Variants in ELP4 observed in about 807,000 individuals in gnomAD.
ELP4 encodes elongator complex protein 4.
ELP4 carries 51 observed loss-of-function variants against 48.9 expected under a neutral mutation model. The ratio of observed to expected loss-of-function variants is 1.04; its 90% CI spans 0.83 to 1.32. The LOEUF (loss-of-function observed/expected upper bound fraction) is 1.32. Among genes scored for constraint, ELP4 ranks in the 40% most tolerant of loss-of-function variants. ELP4 has a pLI of 0.00. For missense variants in ELP4, 519 were observed against 514.6 expected, an observed-to-expected ratio of 1.01 and a Z score of -0.08; for synonymous variants, 210 against 189.2, an observed-to-expected ratio of 1.11 and a Z score of -0.90.
At chr11:31,727,103 G>GT (rs554345941) in intron 9 of ELP4, among the ~76,000 whole-genome samples, 6 of 151,374 alleles carry the variant, frequency 4.0e-5, no homozygotes, top group African/African-American at 4.9e-5. Context: ...TCTATGGACA[G>GT]TATCAGTGTC....
rs201953177 is a variant in ELP4 at position 31,658,983 on chromosome 11, A to T, written c.1143+8762A>T. On this transcript the variant is annotated intron_variant, in intron 9 of 9. Coordinates refer to ENST00000640961, the MANE Select transcript of ELP4 (RefSeq NM_019040.5). ...TTAAGCAACAAATATTATGATTGTA[A>T]AATGTTTTCCTCTTTTATTGATGAA... Among the ~76,000 whole-genome samples, 12 of 152,198 alleles carry T rather than the reference A, an allele frequency of 7.9e-5. No individual in the cohort carries two copies. The East Asian group carries it at 2.3e-3, about 29-fold the overall frequency.
At chr11:31,630,131 T>C (rs532876056) in intron 6 of ELP4, among the ~76,000 whole-genome samples, 1 of 151,660 alleles carries the variant, frequency 6.6e-6, no homozygotes, top group Non-Finnish European at 1.5e-5. Context: ...TTTAACACAA[T>C]CATTTAAAAA....
intron 7 of ELP4, among the ~76,000 whole-genome samples, chr11:31,644,080 T>C (rs1945153221): frequency 6.6e-6 from 1 of 151,796 alleles, no homozygotes; most frequent in South Asian, 2.1e-4. Flanking sequence ...TCTTGGCTAC[T>C]ATCCAGAGCT....
At chr11:31,518,520 CAG>C (rs1956158981) in intron 1 of ELP4, among the ~76,000 whole-genome samples, 1 of 108,752 alleles carries the variant, frequency 9.2e-6, no homozygotes, top group Non-Finnish European at 1.9e-5. Context: ...TTTTCTGAAA[CAG>C]AGTCTCACTC....
At chr11:31,544,838 G>A (rs1014062879) in intron 3 of ELP4, among the ~76,000 whole-genome samples, 62 of 152,242 alleles carry the variant, frequency 4.1e-4, no homozygotes, top group African/African-American at 1.4e-3. Context: ...CAGCATTCGC[G>A]GTTCACGAAA....
In ELP4 at chr11:31,789,354, C is replaced by T; in HGVS notation, c.*5830C>T. The T allele has an allele frequency of 3.7e-6, 1 of 273,612 alleles. No individual in the cohort carries two copies. The highest frequency in any genetic ancestry group is 6.8e-6 in the Non-Finnish European group (1 of 146,474). The allele number at this position is 273,612 out of a possible 1,614,324, so 16.9% of individuals were successfully genotyped here. A position where few individuals can be genotyped will look rare whatever the true frequency, so the allele number is the denominator to read the frequency against. On this transcript the variant is annotated 3_prime_UTR_variant, in exon 10 of 10. Transcript: ENST00000640961. ...TTCTTCCTTGAATTTATATCTTACC[C>T]TTTTTTGCACATAAACTTCATCTGT...
intron 7 of ELP4, among the ~76,000 whole-genome samples, chr11:31,644,967 C>T (rs1178411147): frequency 6.6e-6 from 1 of 151,710 alleles, no homozygotes; most frequent in Non-Finnish European, 1.5e-5. Context: ...AAATGTTTTT[C>T]AGATATCCCT....
chr11:31,693,252 G>A lies in ELP4; in HGVS notation c.1143+43031G>A, dbSNP rs949851799. On this transcript the variant is annotated intron_variant, in intron 9 of 9. Transcript: ENST00000640961. ...TATACATGTGCCATGTTGGTGTGCTGTACCCATTAACTCGTCATTTACATT... is the reference window on the plus strand; with the variant it reads ...TATACATGTGCCATGTTGGTGTGCTATACCCATTAACTCGTCATTTACATT... 1.8e-3 allele frequency among the ~76,000 whole-genome samples: 275 copies of A among 152,118 alleles called. 1 individual carries two copies. Among genetic ancestry groups the A allele is most frequent in the African/African-American group, 6.2e-3 (256 of 41,480 alleles).
chr11:31,690,301 TAAAAG>T (rs1256729715), intron 9 of ELP4, among the ~76,000 whole-genome samples: 2 of 152,052 alleles, frequency 1.3e-5, no homozygotes, highest in Non-Finnish European at 2.9e-5. Context: ...TGTGGCAAAT[TAAAAG>T]AAACCTGTGC....
chr11:31,594,997 T>C lies in ELP4; in HGVS notation c.513+96T>C, dbSNP rs1438245961. 6 of 976,478 alleles carry C rather than the reference T, an allele frequency of 6.1e-6. No individual in the cohort carries two copies. In the East Asian group the frequency reaches 1.8e-4, roughly 30 times the overall value. The allele number at this position is 976,478 out of a possible 1,614,324, so 60.5% of individuals were successfully genotyped here. On this transcript the variant is annotated intron_variant, in intron 4 of 9. Coordinates refer to ENST00000640961, the MANE Select transcript of ELP4 (RefSeq NM_019040.5). ...GTATGCCTATATGTGTATTTGTTTA[T>C]TTAAAGAATTAGCTGTTTCATTTGT...
intron 9 of ELP4, among the ~76,000 whole-genome samples, chr11:31,661,836 A>T (rs1277712401): frequency 6.6e-6 from 1 of 152,070 alleles, no homozygotes; most frequent in African/African-American, 2.4e-5. Context: ...AGTTCATGAG[A>T]CTTATGAGTT....
At chr11:31,547,821 G>A (rs750376196) in intron 3 of ELP4, among the ~76,000 whole-genome samples, 35 of 152,170 alleles carry the variant, frequency 2.3e-4, no homozygotes, top group Non-Finnish European at 4.1e-4. Flanking sequence ...GGGATGCAAG[G>A]CTGGTTCAAT....
At chr11:31,715,081 G>A (rs1228662811) in intron 9 of ELP4, 1 of 325,836 alleles carries the variant, frequency 3.1e-6, no homozygotes, top group African/African-American at 2.1e-5. Flanking sequence ...AGAGACGGAA[G>A]AACCACTTCG....
Position 31,788,826 on chromosome 11 carries a change from G to C in ELP4, c.*5302G>C, listed in dbSNP as rs1948922248. On this transcript the variant is annotated 3_prime_UTR_variant, in exon 10 of 10. Transcript: ENST00000640961. Reference sequence around the variant, plus strand: ...AGGATTATTTTTTAAGGATCATCAGGATGTAAAACAGAGTGTGTGTGAAAG... The same window carrying C: ...AGGATTATTTTTTAAGGATCATCAGCATGTAAAACAGAGTGTGTGTGAAAG... 4.9e-6 allele frequency: 1 copy of C among 205,314 alleles called. No individual in the cohort carries two copies. 12.7% of individuals were successfully genotyped at this position (205,314 alleles called of 1,614,324 possible).
chr11:31,722,598 A>T (rs1192980222), intron 9 of ELP4, among the ~76,000 whole-genome samples: 1 of 152,164 alleles, frequency 6.6e-6, no homozygotes, highest in East Asian at 1.9e-4. Flanking sequence ...TGTGGTTCAA[A>T]AAACCAGAAA....
At chr11:31,664,902 C>A (rs977004352) in intron 9 of ELP4, among the ~76,000 whole-genome samples, 1 of 151,986 alleles carries the variant, frequency 6.6e-6, no homozygotes, top group Non-Finnish European at 1.5e-5. Flanking sequence ...TTAATCAATG[C>A]GCAATTAATA....
intron 9 of ELP4, among the ~76,000 whole-genome samples, chr11:31,685,017 C>T (rs1459669659): frequency 3.9e-5 from 6 of 152,084 alleles, no homozygotes; most frequent in Non-Finnish European, 1.5e-5. Flanking sequence ...ATACTGAAAA[C>T]CTTTTACAAA....
intron 9 of ELP4, among the ~76,000 whole-genome samples, chr11:31,700,187 G>A (rs1946491964): frequency 6.6e-6 from 1 of 151,650 alleles, no homozygotes; most frequent in South Asian, 2.1e-4. Flanking sequence ...GACTAATTAT[G>A]GGTATACGTA....
intron 9 of ELP4, chr11:31,689,220 C>T (rs1319471788): frequency 2.0e-5 from 3 of 151,998 alleles, no homozygotes; most frequent in Non-Finnish European, 4.4e-5. Context: ...GTGAGAGGAT[C>T]ACTTGAGGCC....
Sources: allele counts gnomAD v4.1 joint callset (sites outside exome capture counted in the v4.1 genomes callset), GRCh38; gene constraint gnomAD v4.1.1; transcripts MANE v1.5; gene names NCBI Gene and HGNC (gene_info 2026-07-23, HGNC 2026-07-21).